DPYD: variants seen among roughly 807,000 people sequenced by gnomAD.
DPYD encodes the protein dihydropyrimidine dehydrogenase [NADP(+)].
In DPYD, 109 loss-of-function variants were observed where a neutral mutation model predicts 116.2. That is an observed-to-expected ratio of 0.94 (90% confidence interval 0.80 to 1.10). The LOEUF (loss-of-function observed/expected upper bound fraction) is 1.10, where lower values mean the gene tolerates loss of function less well. Ranked by LOEUF, DPYD falls within the 50% of genes least tolerant of loss-of-function variation. The pLI is 0.00. For synonymous variants in DPYD, 440 were observed against 432.0 expected (o/e 1.02, Z -0.23); for missense variants, 1,302 against 1,254.5 (o/e 1.04, Z -0.57).
chr1:97,115,623 A>G (rs1174729035), intron 20 of DPYD, among the ~76,000 whole-genome samples: 2 of 152,194 alleles, frequency 1.3e-5, no homozygotes, highest in East Asian at 3.8e-4. Context: ...AATGAGGAAA[A>G]TGTTCTTAAA....
chr1:97,848,224 A>G (rs1333240910), intron 2 of DPYD, among the ~76,000 whole-genome samples: 1 of 152,020 alleles, frequency 6.6e-6, no homozygotes, highest in East Asian at 1.9e-4. Flanking sequence ...CAGCCTCCCT[A>G]GTACCTCCAA....
chr1:97,383,811 A>G (rs1672135545), intron 14 of DPYD, among the ~76,000 whole-genome samples: 2 of 152,276 alleles, frequency 1.3e-5, no homozygotes, highest in South Asian at 4.1e-4. Context: ...TATCATTTAA[A>G]GACTATGAGA....
At chr1:97,236,104 A>G (rs1407344192) in intron 18 of DPYD, among the ~76,000 whole-genome samples, 1 of 152,218 alleles carries the variant, frequency 6.6e-6, no homozygotes, top group Non-Finnish European at 1.5e-5. Context: ...ATGCTTTCAT[A>G]ATAAAGGAAT....
chr1:97,760,274 C>G (rs560876908), intron 3 of DPYD, among the ~76,000 whole-genome samples: 3 of 152,164 alleles, frequency 2.0e-5, no homozygotes, highest in African/African-American at 7.2e-5. Context: ...CATCTTCATT[C>G]CAAATATACA....
chr1:97,549,609 G>C lies in DPYD; in HGVS notation c.1475C>G (p.Ser492Trp), dbSNP rs72549304. 1 of 1,613,804 alleles carries C rather than the reference G, an allele frequency of 6.2e-7. No homozygotes were observed. The highest frequency in any genetic ancestry group is 8.5e-7 in the Non-Finnish European group (1 of 1,179,838). Residue 492 changes from serine (S) to tryptophan (W), a missense_variant, in exon 12 of 23, where the codon TCG becomes TGG. Ser to Trp is a radical substitution (Grantham distance 177). Transcript: ENST00000370192. Reference protein sequence around the residue: ...VVGLANTTVESVNDGKQASWY... With the variant: ...VVGLANTTVEWVNDGKQASWY... ...AGAAGCTTGCTTTCCATCATTCACCGATTCCACTGTAGTGTTAGCCAAACC... is the reference window on the plus strand; with the variant it reads ...AGAAGCTTGCTTTCCATCATTCACCCATTCCACTGTAGTGTTAGCCAAACC...
At chr1:97,718,407 G>C (rs1164651521) in intron 5 of DPYD, among the ~76,000 whole-genome samples, 1 of 151,802 alleles carries the variant, frequency 6.6e-6, no homozygotes, top group Admixed American at 6.6e-5. Context: ...AAAGTGCTAA[G>C]AGGTATATAT....
intron 20 of DPYD, among the ~76,000 whole-genome samples, chr1:97,160,826 T>C (rs1655838773): frequency 6.6e-6 from 1 of 152,118 alleles, no homozygotes; most frequent in Middle Eastern, 3.2e-3. Context: ...TGATTTATTT[T>C]TCAAAGTTCA....
At chr1:97,474,755 T>C (rs1191402269) in intron 13 of DPYD, among the ~76,000 whole-genome samples, 1 of 151,968 alleles carries the variant, frequency 6.6e-6, no homozygotes, top group East Asian at 1.9e-4. Flanking sequence ...TGAATATTCT[T>C]CCCAATTTTA....
At chr1:97,184,869 T>C (rs1392343827) in intron 20 of DPYD, among the ~76,000 whole-genome samples, 2 of 152,134 alleles carry the variant, frequency 1.3e-5, no homozygotes, top group Non-Finnish European at 1.5e-5. Context: ...GTAAATATCA[T>C]TTATTTATTT....
intron 16 of DPYD, among the ~76,000 whole-genome samples, chr1:97,310,970 T>C (rs565445403): frequency 4.6e-5 from 7 of 151,714 alleles, no homozygotes; most frequent in African/African-American, 1.7e-4. Flanking sequence ...TAAAACAAAA[T>C]GATGCTAAGT....
chr1:97,834,937 G>A (rs4348763), intron 2 of DPYD, among the ~76,000 whole-genome samples: 148,341 of 152,094 alleles, frequency 0.98, 72,463 homozygotes, highest in East Asian at 1. Flanking sequence ...ACATTCTACT[G>A]TCAATATATG....
intron 15 of DPYD, among the ~76,000 whole-genome samples, chr1:97,380,147 C>A (rs140360646): frequency 6.6e-6 from 1 of 152,156 alleles, no homozygotes; most frequent in Non-Finnish European, 1.5e-5. Flanking sequence ...GATTAAAGAT[C>A]CATTTACAAG....
At chr1:97,543,300 T>A (rs750403703) in intron 12 of DPYD, among the ~76,000 whole-genome samples, 5 of 152,116 alleles carry the variant, frequency 3.3e-5, no homozygotes, top group Non-Finnish European at 2.9e-5. Flanking sequence ...TGCATTGTGG[T>A]ACCCTCCCGA....
chr1:97,628,873 CAA>C (rs912933757), intron 8 of DPYD, among the ~76,000 whole-genome samples: 2 of 151,934 alleles, frequency 1.3e-5, no homozygotes, highest in African/African-American at 4.8e-5. Flanking sequence ...ACTATCTGTG[CAA>C]AAGAGGACAG....
Position 97,543,199 on chromosome 1 carries a change from T to C in DPYD, c.1524+6361A>G, listed in dbSNP as rs114323652. Reference sequence around the variant, plus strand: ...CTGAAGTAACCTGTCCAAGGTAACATGATTGGAAAGTGTTGGAACTGGATC... The same window carrying C: ...CTGAAGTAACCTGTCCAAGGTAACACGATTGGAAAGTGTTGGAACTGGATC... On this transcript the variant is annotated intron_variant, in intron 12 of 22. Coordinates refer to ENST00000370192, the MANE Select transcript of DPYD (RefSeq NM_000110.4). Among the ~76,000 whole-genome samples the C allele has an allele frequency of 7.3e-4, 111 of 152,290 alleles. 1 individual carries two copies. Among genetic ancestry groups the C allele is most frequent in the Admixed American group, 3.7e-3 (56 of 15,292 alleles).
chr1:97,221,559 G>C (rs945003521), intron 19 of DPYD, among the ~76,000 whole-genome samples: 2 of 151,912 alleles, frequency 1.3e-5, no homozygotes, highest in Admixed American at 1.3e-4. Context: ...ATTTTGCTAT[G>C]GTCTAAGAGC....
chr1:97,605,474 T>C (rs991585968), intron 8 of DPYD, among the ~76,000 whole-genome samples: 4 of 152,040 alleles, frequency 2.6e-5, no homozygotes, highest in African/African-American at 9.7e-5. Context: ...TGCTACCCTG[T>C]GAGTAAGGTG....
At chr1:97,532,163 T>A (rs1412078803) in intron 12 of DPYD, among the ~76,000 whole-genome samples, 1 of 152,180 alleles carries the variant, frequency 6.6e-6, no homozygotes, top group Non-Finnish European at 1.5e-5. Context: ...TGCGGTGTTA[T>A]CACATTTATT....
At chr1:97,222,311 C>T (rs1210263871) in intron 19 of DPYD, among the ~76,000 whole-genome samples, 5 of 152,032 alleles carry the variant, frequency 3.3e-5, no homozygotes, top group East Asian at 3.9e-4. Context: ...TGTAGCTATA[C>T]GCCTGCAAAC....
Sources: gnomAD v4.1 joint callset for allele counts (sites outside exome capture counted in the v4.1 genomes callset) on GRCh38, gnomAD v4.1.1 for gene constraint, MANE v1.5 for transcripts, NCBI Gene and HGNC (gene_info 2026-07-23, HGNC 2026-07-21) for gene names.